ADAMTSL1: variants seen among roughly 807,000 people sequenced by gnomAD.
ADAMTSL1 encodes the protein ADAMTS-like protein 1.
A neutral mutation model predicts 201.8 loss-of-function variants in ADAMTSL1; 126 were observed. That is an observed-to-expected ratio of 0.62 (90% CI 0.54 to 0.72). The LOEUF is 0.72. Ranked by LOEUF, ADAMTSL1 falls within the 30% of genes least tolerant of loss-of-function variation. The pLI, the probability that ADAMTSL1 is intolerant of heterozygous loss-of-function variation, is 0.00. For missense variants in ADAMTSL1, 2,679 were observed against 2,277.8 expected (o/e 1.18, Z -3.59); for synonymous variants, 1,121 against 903.4 (o/e 1.24, Z -4.32).
chr9:18,634,291 C>T (rs1826961980), intron 5 of ADAMTSL1, among the ~76,000 whole-genome samples: 1 of 152,096 alleles, frequency 6.6e-6, no homozygotes, highest in Admixed American at 6.6e-5. Context: ...AGGCCAGGTG[C>T]AGTGGCTTAC....
chr9:18,329,345 A>C (rs1040667294), intron 2 of ADAMTSL1, among the ~76,000 whole-genome samples: 2 of 152,194 alleles, frequency 1.3e-5, no homozygotes, highest in African/African-American at 4.8e-5. Context: ...AAACAGACTA[A>C]AATACCTTCA....
chr9:18,083,120 T>G (rs1475708975), intron 1 of ADAMTSL1, among the ~76,000 whole-genome samples: 1 of 152,216 alleles, frequency 6.6e-6, no homozygotes. Flanking sequence ...AAAGACTTTT[T>G]ATTTTGAGGA....
chr9:18,731,297 C>T (rs1413249259), intron 15 of ADAMTSL1, among the ~76,000 whole-genome samples: 1 of 152,160 alleles, frequency 6.6e-6, no homozygotes, highest in Non-Finnish European at 1.5e-5. Context: ...AGGCTGTTCT[C>T]ACGTTGCTAT....
In ADAMTSL1 at chr9:17,976,848, C is replaced by T. The variant is rs574816906; in HGVS notation, c.87+69926C>T. The stretch of plus-strand genomic sequence containing the variant: ...ATTTTGTTTTTCTTGCCTAGTTGCT[C>T]GGGCTATGACTATCAATACAATTTT... On this transcript the variant is annotated intron_variant, in intron 1 of 29. Coordinates refer to the ADAMTSL1 transcript ENST00000680146. 1.5e-4 allele frequency among the ~76,000 whole-genome samples: 23 copies of T among 151,666 alleles called. No homozygotes were observed. In the East Asian group the frequency reaches 1.6e-3, roughly 10 times the overall value.
At chr9:18,100,640 T>C (rs1344474060) in intron 1 of ADAMTSL1, among the ~76,000 whole-genome samples, 1 of 152,218 alleles carries the variant, frequency 6.6e-6, no homozygotes, top group Non-Finnish European at 1.5e-5. Flanking sequence ...GTTTTCCTTT[T>C]TCTGTGAAAT....
intron 2 of ADAMTSL1, among the ~76,000 whole-genome samples, chr9:18,182,061 TCTCA>T (rs1423680106): frequency 5.3e-5 from 8 of 149,926 alleles, no homozygotes; most frequent in African/African-American, 1.5e-4. Context: ...CACCGCATAT[TCTCA>T]CTCATAGGTG....
In ADAMTSL1 at chr9:18,151,512, G is replaced by GT. The variant is rs371922499; in HGVS notation, c.88-12340dup. 2.4e-4 allele frequency among the ~76,000 whole-genome samples: 35 copies of GT among 147,942 alleles called. No individual in the cohort carries two copies. The East Asian group carries it at 2.4e-3, about 10-fold the overall frequency. On this transcript the variant is annotated intron_variant, in intron 1 of 29. Coordinates refer to the ADAMTSL1 transcript ENST00000680146. The stretch of plus-strand genomic sequence containing the variant: ...ATACTGTATTTGATTATTTGAAGTT[G>GT]TTTTTTTTTTAATCAAGATAAGGGG...
At chr9:18,256,409 G>A (rs1297932360) in intron 2 of ADAMTSL1, among the ~76,000 whole-genome samples, 3 of 152,164 alleles carry the variant, frequency 2.0e-5, no homozygotes, top group Admixed American at 6.5e-5. Context: ...TAGGGTGTAG[G>A]TACAGGAAAG....
chr9:18,782,994 G>A (rs945524755), intron 19 of ADAMTSL1, among the ~76,000 whole-genome samples: 8 of 152,160 alleles, frequency 5.3e-5, no homozygotes, highest in Non-Finnish European at 7.3e-5. Context: ...GGAAGAATTT[G>A]GAGGATGTTA....
At chr9:18,214,034 G>A (rs534090696) in intron 2 of ADAMTSL1, among the ~76,000 whole-genome samples, 2 of 152,172 alleles carry the variant, frequency 1.3e-5, no homozygotes, top group South Asian at 2.1e-4. Flanking sequence ...ACCGCCCCTC[G>A]CCCAAAGAAA....
intron 1 of ADAMTSL1, among the ~76,000 whole-genome samples, chr9:18,095,237 C>T (rs1180281912): frequency 6.6e-6 from 1 of 151,996 alleles, no homozygotes; most frequent in Non-Finnish European, 1.5e-5. Context: ...AAAGGGCTCA[C>T]AGCCAATAGA....
At chr9:18,008,019 A>G (rs920710293) in intron 1 of ADAMTSL1, among the ~76,000 whole-genome samples, 7 of 152,032 alleles carry the variant, frequency 4.6e-5, no homozygotes, top group Non-Finnish European at 1.0e-4. Flanking sequence ...AATTCAAAGA[A>G]ACATATTTTG....
At chr9:18,471,629 T>C (rs1031236788), upstream of ADAMTSL1, among the ~76,000 whole-genome samples, 2 of 152,236 alleles carry the variant, frequency 1.3e-5, no homozygotes, top group Admixed American at 1.3e-4. Flanking sequence ...ACCTGTACTG[T>C]GTAGCTCTGG....
chr9:17,943,937 A>C (rs1827346127), intron 1 of ADAMTSL1, among the ~76,000 whole-genome samples: 1 of 151,996 alleles, frequency 6.6e-6, no homozygotes, highest in South Asian at 2.1e-4. Flanking sequence ...AGAAGGAACG[A>C]GAGAGAGGGA....
chr9:18,815,300 T>C (rs1466424303), intron 20 of ADAMTSL1, among the ~76,000 whole-genome samples: 1 of 151,578 alleles, frequency 6.6e-6, no homozygotes, highest in Non-Finnish European at 1.5e-5. Context: ...AGATATAGAA[T>C]CAATCCAAGT....
chr9:17,914,064 G>A (rs923647996), intron 1 of ADAMTSL1, among the ~76,000 whole-genome samples: 67 of 152,186 alleles, frequency 4.4e-4, no homozygotes, highest in Non-Finnish European at 5.3e-4. Flanking sequence ...AGGACCAGAT[G>A]AATTCACAGC....
chr9:18,734,749 A>AT (rs981544490), intron 15 of ADAMTSL1, among the ~76,000 whole-genome samples: 1 of 152,036 alleles, frequency 6.6e-6, no homozygotes, highest in Non-Finnish European at 1.5e-5. Flanking sequence ...CTGGTAAAAT[A>AT]TTTTTTCTTA....
At chr9:18,399,328 T>A (rs1162403336) in intron 2 of ADAMTSL1, among the ~76,000 whole-genome samples, 15 of 107,710 alleles carry the variant, frequency 1.4e-4, no homozygotes, top group South Asian at 2.9e-4. Context: ...TATATATATA[T>A]AAAATTATTA....
At chr9:18,115,799 C>T (rs186662073) in intron 1 of ADAMTSL1, among the ~76,000 whole-genome samples, 20 of 152,176 alleles carry the variant, frequency 1.3e-4, no homozygotes, top group Admixed American at 2.0e-4. Flanking sequence ...CCACATAGCC[C>T]GGTACTGATC....
Sources: allele counts gnomAD v4.1 joint callset (sites outside exome capture counted in the v4.1 genomes callset), GRCh38; gene constraint gnomAD v4.1.1; transcripts MANE v1.5; gene names NCBI Gene and HGNC (gene_info 2026-07-23, HGNC 2026-07-21).